Variants in ELFN1 observed in about 807,000 individuals in gnomAD.
ELFN1 encodes extracellular leucine rich repeat and fibronectin type III domain containing 1, also known as protein ELFN1.
In ELFN1, 6 loss-of-function variants were observed where a neutral mutation model predicts 7.6. The observed-to-expected ratio is 0.79, with a 90% CI of 0.43 to 1.56. The LOEUF (loss-of-function observed/expected upper bound fraction) is 1.56. Among genes scored for constraint, ELFN1 ranks in the 40% most tolerant of loss-of-function variants. ELFN1 has a pLI of 0.01. For synonymous variants in ELFN1, 657 were observed against 588.1 expected, an observed-to-expected ratio of 1.12 and a Z score of -1.70; for missense variants, 1,169 against 1,232.2, an observed-to-expected ratio of 0.95 and a Z score of 0.77.
rs557166464 is a variant in ELFN1 at position 1,728,848 on chromosome 7, G to A, written c.-293-15456G>A. 9.4e-4 allele frequency among the ~76,000 whole-genome samples: 143 copies of A among 152,236 alleles called. 3 individuals are homozygous for A. Among genetic ancestry groups the A allele is most frequent in the South Asian group, 4.2e-4 (2 of 4,816 alleles). ...AGGGGAGTTTCACACCAGCTCCTCC[G>A]TGTGTCCAGCGTGTTCACAAACACC... On this transcript the variant is annotated intron_variant, in intron 3 of 3. Coordinates refer to ENST00000424383, the MANE Select transcript of ELFN1 (RefSeq NM_001128636.4).
chr7:1,747,352 CTG>C lies in ELFN1; in HGVS notation c.*273_*274del, dbSNP rs1265644031. On this transcript the variant is annotated 3_prime_UTR_variant, in exon 4 of 4. Transcript: ENST00000424383. ...CACACACACGAGGGACTTCGGAAAA[CTG>C]TGTCTTAGGGATGGGGGGTGGGGGT... The C allele has an allele frequency of 1.9e-5, 4 of 211,662 alleles. No individual in the cohort carries two copies. The highest frequency in any genetic ancestry group is 3.7e-5 in the Non-Finnish European group (4 of 107,180). The allele number at this position is 211,662 out of a possible 1,614,324, so 13.1% of individuals were successfully genotyped here.
intron 1 of ELFN1, among the ~76,000 whole-genome samples, chr7:1,676,840 A>G (rs1369397095): frequency 6.6e-6 from 1 of 152,106 alleles, no homozygotes. Context: ...TCTTGGGAAG[A>G]GTTGGTTGGT....
At chr7:1,706,119 C>T (rs753535784) in intron 2 of ELFN1, among the ~76,000 whole-genome samples, 1 of 152,210 alleles carries the variant, frequency 6.6e-6, no homozygotes, top group Non-Finnish European at 1.5e-5. Context: ...GCAGGAGCCA[C>T]CACTTCTTCA....
At chr7:1,715,693 A>C (rs932630601) in intron 3 of ELFN1, among the ~76,000 whole-genome samples, 1 of 152,098 alleles carries the variant, frequency 6.6e-6, no homozygotes, top group African/African-American at 2.4e-5. Context: ...CCTGTAATTT[A>C]CATCCTGTGA....
Position 1,745,472 on chromosome 7 carries a change from T to G in ELFN1, c.876T>G (p.Asp292Glu). 1.3e-6 allele frequency: 2 copies of G among 1,542,214 alleles called. No homozygotes were observed. The highest frequency in any genetic ancestry group is 8.7e-7 in the Non-Finnish European group (1 of 1,146,700). Residue 292 changes from aspartate to glutamate, a missense_variant, in exon 4 of 4, where the codon GAT becomes GAG. Coordinates refer to ENST00000424383, the MANE Select transcript of ELFN1 (RefSeq NM_001128636.4). ...PEPSDMPCADDECFSGDGTTP... is the reference protein window; with the variant it reads ...PEPSDMPCADEECFSGDGTTP... ...CCAGTGACATGCCCTGTGCCGATGA[T>G]GAGTGCTTCTCCGGGGACGGCACCA...
At chr7:1,711,158 A>G (rs1779641446) in intron 3 of ELFN1, among the ~76,000 whole-genome samples, 1 of 152,134 alleles carries the variant, frequency 6.6e-6, no homozygotes, top group Non-Finnish European at 1.5e-5. Context: ...TCAATACCAC[A>G]TTCGTATTTC....
At chr7:1,708,621 A>G (rs993140291) in intron 2 of ELFN1, among the ~76,000 whole-genome samples, 3 of 152,158 alleles carry the variant, frequency 2.0e-5, no homozygotes, top group Non-Finnish European at 2.9e-5. Flanking sequence ...TAATCAGTCC[A>G]GCTGTTGTTT....
upstream of ELFN1, among the ~76,000 whole-genome samples, chr7:1,669,225 C>A (rs374370771): frequency 6.6e-6 from 1 of 152,234 alleles, no homozygotes; most frequent in Admixed American, 6.5e-5. Flanking sequence ...TGATTTGCTG[C>A]CTTTGAATTG....
intron 3 of ELFN1, among the ~76,000 whole-genome samples, chr7:1,743,786 T>C (rs1309139343): frequency 2.0e-5 from 3 of 152,164 alleles, no homozygotes; most frequent in African/African-American, 7.2e-5. Context: ...CCGGGCCTCC[T>C]GGGAGCAGAA....
At position 1,673,622 on chromosome 7, in the gene ELFN1, C is replaced by A. The variant is rs1465037367; in HGVS notation, c.-549+3268C>A. On this transcript the variant is annotated intron_variant, in intron 1 of 3. Transcript: ENST00000424383. This position sits in a 1 kb window ranked among gnomAD's most constrained non-coding sequence, Gnocchi z 4.7. The stretch of plus-strand genomic sequence containing the variant: ...CCACCCTGGGAGCGCTGATGGCAGA[C>A]AAGGGCCAACTGTGTGCCCTACCTG... Among the ~76,000 whole-genome samples, 1 of 152,206 alleles carries A rather than the reference C, an allele frequency of 6.6e-6. No homozygotes were observed. Among genetic ancestry groups the A allele is most frequent in the African/African-American group, 2.4e-5 (1 of 41,460 alleles).
At chr7:1,676,302 G>A (rs540737697) in intron 1 of ELFN1, among the ~76,000 whole-genome samples, 2 of 152,178 alleles carry the variant, frequency 1.3e-5, no homozygotes, top group African/African-American at 2.4e-5. Context: ...GGAAGGGCCC[G>A]GCCTCTGCCC....
chr7:1,711,916 A>G (rs1779668142), intron 3 of ELFN1, among the ~76,000 whole-genome samples: 2 of 152,198 alleles, frequency 1.3e-5, no homozygotes, highest in Non-Finnish European at 2.9e-5. Context: ...TGGCCTCCAG[A>G]CTGAGACCCA....
intron 2 of ELFN1, among the ~76,000 whole-genome samples, chr7:1,706,756 C>T (rs1037771430): frequency 2.0e-5 from 3 of 152,356 alleles, no homozygotes; most frequent in Admixed American, 2.0e-4. Context: ...GCCTGGCTGG[C>T]TTCTACAGGG....
At position 1,747,110 on chromosome 7, in the gene ELFN1, G is replaced by A. The variant is rs1170099994; in HGVS notation, c.*27G>A. ...CCCCCCAAGACCGGCGATGCCCACT[G>A]GACCAAAAAGGATGCAGGATCCACC... On this transcript the variant is annotated 3_prime_UTR_variant, in exon 4 of 4. Transcript: ENST00000424383. 6.9e-7 allele frequency: 1 copy of A among 1,440,084 alleles called. No individual in the cohort carries two copies. Among genetic ancestry groups the A allele is most frequent in the Non-Finnish European group, 9.2e-7 (1 of 1,090,728 alleles). 89.2% of individuals were successfully genotyped at this position (1,440,084 alleles called of 1,614,324 possible).
At chr7:1,677,014 C>T (rs1001594948) in intron 1 of ELFN1, among the ~76,000 whole-genome samples, 3 of 152,146 alleles carry the variant, frequency 2.0e-5, no homozygotes, top group Non-Finnish European at 4.4e-5. Context: ...GAGGGTAGCC[C>T]GTACTGGGTG....
chr7:1,671,467 C>T (rs1261587759), intron 1 of ELFN1, among the ~76,000 whole-genome samples: 3 of 152,226 alleles, frequency 2.0e-5, no homozygotes, highest in Non-Finnish European at 4.4e-5. Flanking sequence ...CGCTCATTCC[C>T]TCGATTGGGC....
chr7:1,745,613 C>G lies in ELFN1; in HGVS notation c.1017C>G (p.Phe339Leu). Residue 339 changes from phenylalanine (F) to leucine (L), a missense_variant, in exon 4 of 4, where the codon TTC becomes TTG. This residue lies in a region of ELFN1 where 914 missense variants were observed against 872.6 expected (regional missense o/e 1.05). Coordinates refer to ENST00000424383, the MANE Select transcript of ELFN1 (RefSeq NM_001128636.4). Reference protein sequence around the residue: ...ATITVQLPSPFHRMYTLEHFN... With the variant: ...ATITVQLPSPLHRMYTLEHFN... ...TCACCGTCCAGCTGCCCAGCCCGTT[C>G]CACCGGATGTACACCCTGGAGCATT... 1 of 1,551,080 alleles carries G rather than the reference C, an allele frequency of 6.4e-7. No homozygotes were observed. The highest frequency in any genetic ancestry group is 8.7e-7 in the Non-Finnish European group (1 of 1,146,970).
chr7:1,746,173 T>C lies in ELFN1; in HGVS notation c.1577T>C (p.Met526Thr), dbSNP rs998215297. Reference protein sequence around the residue: ...DTPKASKGSYMEVRTGDPPER... With the variant: ...DTPKASKGSYTEVRTGDPPER... ...CCCAAGGCCAGCAAGGGCAGCTACATGGAGGTTCGAACCGGGGACCCTCCG... is the reference window on the plus strand; with the variant it reads ...CCCAAGGCCAGCAAGGGCAGCTACACGGAGGTTCGAACCGGGGACCCTCCG... The change falls in exon 4 of 4, where the codon ATG (methionine) becomes ACG (threonine). Residue 526 changes from methionine (M) to threonine (T), a missense_variant. This residue lies in a region of ELFN1 where 914 missense variants were observed against 872.6 expected (regional missense o/e 1.05). Transcript: ENST00000424383. 6.5e-7 allele frequency: 1 copy of C among 1,549,826 alleles called. No individual in the cohort carries two copies. The highest frequency in any genetic ancestry group is 1.4e-5 in the African/African-American group (1 of 73,026).
At chr7:1,685,109 AT>A (rs992084659) in intron 1 of ELFN1, among the ~76,000 whole-genome samples, 2 of 151,552 alleles carry the variant, frequency 1.3e-5, no homozygotes, top group Admixed American at 6.6e-5. Flanking sequence ...TGGCTAACAA[AT>A]TTTTTTTTGT....
Sources: gnomAD v4.1 joint callset for allele counts (sites outside exome capture counted in the v4.1 genomes callset) on GRCh38, gnomAD v4.1.1 for gene constraint, gnomAD v4.1.1 regional missense constraint, Gnocchi (gnomAD v3.1) non-coding constraint, MANE v1.5 for transcripts, NCBI Gene and HGNC (gene_info 2026-07-23, HGNC 2026-07-21) for gene names.